Variants in GAB2 observed in about 807,000 individuals in gnomAD.
GAB2 encodes the protein GRB2-associated-binding protein 2.
Under a neutral mutation model 65.5 loss-of-function variants are expected in GAB2, and 26 were observed. The observed-to-expected ratio is 0.40, with a 90% CI of 0.29 to 0.55. The LOEUF is 0.55. GAB2 is among the 20% of genes least tolerant of loss of function. GAB2 has a pLI of 0.53. For missense variants in GAB2, 884 were observed against 875.8 expected (o/e 1.01, Z -0.12); for synonymous variants, 321 against 329.6 (o/e 0.97, Z 0.28).
At chr11:78,415,044 A>G (rs887051123) in intron 1 of GAB2, among the ~76,000 whole-genome samples, 18 of 151,940 alleles carry the variant, frequency 1.2e-4, no homozygotes, top group African/African-American at 3.9e-4. Context: ...GCTAATTTTT[A>G]TATTTATGGT....
Position 78,255,868 on chromosome 11 carries a change from C to T in GAB2, c.377-5468G>A, listed in dbSNP as rs529926561. ...TTCCAAACATTTCATAGAACAAAAG[C>T]GACATGGTGTGCTACATGTAACAGA... On this transcript the variant is annotated intron_variant, in intron 2 of 9. Transcript: ENST00000361507. 3.6e-4 allele frequency among the ~76,000 whole-genome samples: 55 copies of T among 152,284 alleles called. No individual in the cohort carries two copies. In the South Asian group the frequency reaches 4.6e-3, roughly 13 times the overall value.
chr11:78,229,160 T>A (rs1864767330), intron 3 of GAB2, among the ~76,000 whole-genome samples: 1 of 152,052 alleles, frequency 6.6e-6, no homozygotes, highest in Non-Finnish European at 1.5e-5. Flanking sequence ...TGGTAGACAA[T>A]GTCAGGGAAG....
chr11:78,394,404 G>A (rs1485216509), intron 1 of GAB2, among the ~76,000 whole-genome samples: 2 of 152,200 alleles, frequency 1.3e-5, no homozygotes, highest in Non-Finnish European at 1.5e-5. Context: ...AGAGATAAGA[G>A]GGGAAATCTT....
intron 2 of GAB2, among the ~76,000 whole-genome samples, chr11:78,255,322 TGA>T (rs1865567066): frequency 1.3e-5 from 2 of 152,154 alleles, no homozygotes; most frequent in Non-Finnish European, 2.9e-5. Context: ...TCTAGAACTG[TGA>T]GAGAGTAAAT....
intron 2 of GAB2, among the ~76,000 whole-genome samples, chr11:78,264,573 G>A (rs1353894029): frequency 6.9e-6 from 1 of 144,176 alleles, no homozygotes; most frequent in African/African-American, 2.5e-5. Context: ...GCTAATTTTT[G>A]TATTTTTTTT....
chr11:78,226,611 C>CGGGGGGGGGGGGGGGGGGG lies in GAB2; in HGVS notation c.1060_1061insCCCCCCCCCCCCCCCCCCC (p.Arg354ProfsTer30). ...TTCTGCCTGACTTGGCTTGGGGGGG[C>CGGGGGGGGGGGGGGGGGGG]GGGGTGGGGGAGCTATGGCTGAGTC... On this transcript the variant is annotated frameshift_variant, in exon 4 of 10. Transcript: ENST00000361507. LOFTEE classifies it high-confidence loss of function. The CGGGGGGGGGGGGGGGGGGG allele has an allele frequency of 3.5e-6, 1 of 282,930 alleles. No homozygotes were observed. The highest frequency in any genetic ancestry group is 6.3e-6 in the Non-Finnish European group (1 of 157,910). 17.5% of individuals were successfully genotyped at this position (282,930 alleles called of 1,614,324 possible).
At chr11:78,244,692 C>A (rs1429635285) in intron 3 of GAB2, among the ~76,000 whole-genome samples, 2 of 136,358 alleles carry the variant, frequency 1.5e-5, no homozygotes, top group Non-Finnish European at 3.1e-5. Flanking sequence ...AAAAAGCTTG[C>A]CGTCTCACTA....
chr11:78,356,818 C>T (rs1300074250), intron 1 of GAB2, among the ~76,000 whole-genome samples: 1 of 152,112 alleles, frequency 6.6e-6, no homozygotes, highest in African/African-American at 2.4e-5. Context: ...TGATTTCAGC[C>T]TTAAAAGGAA....
chr11:78,295,848 C>T (rs1236148153), intron 1 of GAB2, among the ~76,000 whole-genome samples: 1 of 152,090 alleles, frequency 6.6e-6, no homozygotes, highest in African/African-American at 2.4e-5. Context: ...GTATAGGTGA[C>T]TCTTGTTATT....
intron 1 of GAB2, among the ~76,000 whole-genome samples, chr11:78,347,128 A>G (rs1856204517): frequency 6.6e-6 from 1 of 152,136 alleles, no homozygotes; most frequent in Non-Finnish European, 1.5e-5. Context: ...TATAAAAGAG[A>G]AGAAGAGCTC....
intron 3 of GAB2, among the ~76,000 whole-genome samples, chr11:78,231,174 G>A (rs1286491640): frequency 6.6e-6 from 1 of 152,132 alleles, no homozygotes; most frequent in African/African-American, 2.4e-5. Context: ...AAGCACGTAT[G>A]GGAGCTCCCC....
At position 78,254,833 on chromosome 11, in the gene GAB2, A is replaced by G. The variant is rs558991974; in HGVS notation, c.377-4433T>C. ...AAAAAGAAAAAAGAAAAAAAAAAGT[A>G]TGTAGCTCCAGAAAAATTCTTTCAA... On this transcript the variant is annotated intron_variant, in intron 2 of 9. Coordinates refer to ENST00000361507, the MANE Select transcript of GAB2 (RefSeq NM_080491.3). Among the ~76,000 whole-genome samples, 79 of 151,994 alleles carry G rather than the reference A, an allele frequency of 5.2e-4. No individual in the cohort carries two copies. In the South Asian group the frequency reaches 0.015, roughly 28 times the overall value.
chr11:78,278,425 C>G (rs1444335925), intron 2 of GAB2, among the ~76,000 whole-genome samples: 2 of 151,588 alleles, frequency 1.3e-5, no homozygotes, highest in Admixed American at 1.3e-4. Context: ...CTCTGTCACC[C>G]AGGCTGGAGT....
chr11:78,300,923 G>T (rs113138971), intron 1 of GAB2, among the ~76,000 whole-genome samples: 5,591 of 152,110 alleles, frequency 0.037, 297 homozygotes, highest in African/African-American at 0.12. Context: ...TCCAACTCCT[G>T]ACCTCAAGTA....
chr11:78,327,340 A>C (rs111389790), intron 1 of GAB2, among the ~76,000 whole-genome samples: 1,787 of 152,256 alleles, frequency 0.012, 34 homozygotes, highest in African/African-American at 0.041. Context: ...GGAACCAAGC[A>C]CCTCAAGCTG....
At chr11:78,247,106 A>G (rs1315952113) in intron 3 of GAB2, among the ~76,000 whole-genome samples, 1 of 152,128 alleles carries the variant, frequency 6.6e-6, no homozygotes, top group Non-Finnish European at 1.5e-5. Flanking sequence ...CATTTTAGCC[A>G]TTTGCACTGT....
intron 1 of GAB2, among the ~76,000 whole-genome samples, chr11:78,320,022 C>T (rs985927339): frequency 6.6e-6 from 1 of 151,968 alleles, no homozygotes; most frequent in Non-Finnish European, 1.5e-5. Context: ...ATTACAGGTA[C>T]ACACCACCAC....
rs1864662945 is a variant in GAB2, at chr11:78,226,607, G to A, written c.1065C>T (p.Pro355=). 6.2e-7 allele frequency: 1 copy of A among 1,612,764 alleles called. No individual in the cohort carries two copies. The highest frequency in any genetic ancestry group is 1.1e-5 in the South Asian group (1 of 91,030). The change falls in exon 4 of 10, where the codon CCC becomes CCT. Residue 355 remains proline (P), a synonymous_variant. Transcript: ENST00000361507. ...GDSAIAPPPR[P]PKPSQAETPR... Reference sequence around the variant, plus strand: ...GTGTTTCTGCCTGACTTGGCTTGGGGGGGCGGGGTGGGGGAGCTATGGCTG... The same window carrying A: ...GTGTTTCTGCCTGACTTGGCTTGGGAGGGCGGGGTGGGGGAGCTATGGCTG...
intron 1 of GAB2, among the ~76,000 whole-genome samples, chr11:78,323,766 T>C (rs1855769907): frequency 6.9e-6 from 1 of 145,442 alleles, no homozygotes; most frequent in Non-Finnish European, 1.5e-5. Context: ...GGAACAAACC[T>C]ACACGTGTAC....
Sources: gnomAD v4.1 joint callset for allele counts (sites outside exome capture counted in the v4.1 genomes callset) on GRCh38, gnomAD v4.1.1 for gene constraint, MANE v1.5 for transcripts, NCBI Gene and HGNC (gene_info 2026-07-23, HGNC 2026-07-21) for gene names.